The following DYM variants were observed in gnomAD, a reference collection of about 807,000 sequenced individuals.
DYM encodes dymeclin.
In DYM, 78 loss-of-function variants were observed where a neutral mutation model predicts 93.1. That is an observed-to-expected ratio of 0.84 (90% CI 0.70 to 1.01). The LOEUF (loss-of-function observed/expected upper bound fraction) is 1.01. Among genes scored for constraint, DYM ranks in the 50% least tolerant of loss-of-function variants. The pLI is 0.00. For synonymous variants in DYM, 321 were observed against 319.7 expected, an observed-to-expected ratio of 1.00 and a Z score of -0.04; for missense variants, 789 against 845.0, an observed-to-expected ratio of 0.93 and a Z score of 0.82.
At chr18:49,435,072 G>C (rs2080704191) in intron 1 of DYM, among the ~76,000 whole-genome samples, 1 of 149,794 alleles carries the variant, frequency 6.7e-6, no homozygotes, top group African/African-American at 2.4e-5. Flanking sequence ...GCACAGCATG[G>C]TGGTGTGCGC....
Position 49,038,761 on chromosome 18 carries a change from CTCT to C in DYM, c.*5291_*5293del, listed in dbSNP as rs1473400649. 5.9e-5 allele frequency among the ~76,000 whole-genome samples: 9 copies of C among 152,166 alleles called. No homozygotes were observed. The highest frequency in any genetic ancestry group is 1.9e-4 in the African/African-American group (8 of 41,438). ...CCACTGAATTGATTATTCGAATTCTCTCTTATTATGTGGAAAGCTATACACTTT... is the reference window on the plus strand; with the variant it reads ...CCACTGAATTGATTATTCGAATTCTCTATTATGTGGAAAGCTATACACTTT... On this transcript the variant is annotated 3_prime_UTR_variant, in exon 18 of 18. Transcript: ENST00000675505.
In DYM at chr18:49,360,726, G is replaced by A. The variant is rs35197176; in HGVS notation, c.494+2435C>T. Among the ~76,000 whole-genome samples, 817 of 152,224 alleles carry A rather than the reference G, an allele frequency of 5.4e-3. 2 individuals carry two copies. The highest frequency in any genetic ancestry group is 9.0e-3 in the Non-Finnish European group (612 of 68,006). ...GACAAAGAAACAGTACACAGTATAT[G>A]TGTTTCCCTTCCCTGATCTGACCAC... is the stretch of plus-strand genomic sequence containing the variant. On this transcript the variant is annotated intron_variant, in intron 6 of 17. Transcript: ENST00000675505.
rs558343871 is a variant in DYM at position 49,452,752 on chromosome 18, G to A, written c.-54+7646C>T. On this transcript the variant is annotated intron_variant, in intron 1 of 17. Coordinates refer to ENST00000675505, the MANE Select transcript of DYM (RefSeq NM_001353214.3). ...GGGCTGAGGAGTGCAGGCGCACAGC[G>A]CGGGACTGGCAGGCAGCTCTGCCTG... Among the ~76,000 whole-genome samples, 15 of 106,118 alleles carry A rather than the reference G, an allele frequency of 1.4e-4. 3 individuals carry two copies. Among genetic ancestry groups the A allele is most frequent in the South Asian group, 1.2e-3 (4 of 3,244 alleles). 69.6% of individuals were successfully genotyped at this position (106,118 alleles called of 152,430 possible).
chr18:49,272,691 C>T (rs556289217), intron 10 of DYM, among the ~76,000 whole-genome samples: 1 of 152,146 alleles, frequency 6.6e-6, no homozygotes, highest in African/African-American at 2.4e-5. Context: ...GTGCTTAGCA[C>T]CACCTTTTTA....
At chr18:49,360,719 A>G (rs1194903764) in intron 6 of DYM, among the ~76,000 whole-genome samples, 1 of 152,184 alleles carries the variant, frequency 6.6e-6, no homozygotes. Flanking sequence ...AACAGTACAC[A>G]GTATATGTGT....
intron 11 of DYM, among the ~76,000 whole-genome samples, chr18:49,266,819 AT>A (rs949266076): frequency 1.3e-5 from 2 of 152,144 alleles, no homozygotes; most frequent in African/African-American, 2.4e-5. Context: ...TGTTAAATAC[AT>A]TTTTTTCTTT....
intron 8 of DYM, among the ~76,000 whole-genome samples, chr18:49,302,481 C>T (rs1294051978): frequency 6.6e-6 from 1 of 152,140 alleles, no homozygotes; most frequent in Non-Finnish European, 1.5e-5. Context: ...ATTAATATAA[C>T]TATGCATTAT....
chr18:49,071,393 TCTGTG>T (rs1210959572), intron 17 of DYM, among the ~76,000 whole-genome samples: 2 of 152,268 alleles, frequency 1.3e-5, no homozygotes, highest in Non-Finnish European at 2.9e-5. Flanking sequence ...TTAACTTCAG[TCTGTG>T]TAACATTCTG....
intron 17 of DYM, among the ~76,000 whole-genome samples, chr18:49,054,983 G>A (rs746239098): frequency 7.2e-5 from 11 of 152,186 alleles, no homozygotes; most frequent in Non-Finnish European, 1.3e-4. Context: ...AATGTCCCTG[G>A]TAGGACCTCT....
chr18:49,262,065 G>C lies in DYM; in HGVS notation c.1252-3572C>G, dbSNP rs149783205. Among the ~76,000 whole-genome samples, 479 of 152,172 alleles carry C rather than the reference G, an allele frequency of 3.1e-3. 4 individuals are homozygous for C. The highest frequency in any genetic ancestry group is 0.011 in the African/African-American group (444 of 41,506). On this transcript the variant is annotated intron_variant, in intron 11 of 17. Transcript: ENST00000675505. Reference sequence around the variant, plus strand: ...TGAATGTGACCTTACATGGATAGAGGGTCTTTGAAATATAATCAAGATGAG... The same window carrying C: ...TGAATGTGACCTTACATGGATAGAGCGTCTTTGAAATATAATCAAGATGAG...
At chr18:49,346,805 A>G (rs2064640865) in intron 6 of DYM, among the ~76,000 whole-genome samples, 1 of 152,230 alleles carries the variant, frequency 6.6e-6, no homozygotes, top group South Asian at 2.1e-4. Flanking sequence ...ATAAGAATCT[A>G]TATTCATAAC....
chr18:49,058,153 A>G (rs896348201), intron 17 of DYM, among the ~76,000 whole-genome samples: 1 of 152,242 alleles, frequency 6.6e-6, no homozygotes, highest in African/African-American at 2.4e-5. Flanking sequence ...TCCCTTCTCT[A>G]TCATGATTTT....
chr18:49,321,158 C>T (rs1218740185), intron 8 of DYM: 1 of 381,662 alleles, frequency 2.6e-6, no homozygotes, highest in Admixed American at 4.5e-5. Context: ...AATATTCTCA[C>T]TTTTAAATAT....
intron 15 of DYM, among the ~76,000 whole-genome samples, chr18:49,140,748 G>A (rs1343162961): frequency 6.6e-6 from 1 of 152,120 alleles, no homozygotes; most frequent in Non-Finnish European, 1.5e-5. Context: ...AGATGAGACA[G>A]GCTAAATAGG....
intron 15 of DYM, among the ~76,000 whole-genome samples, chr18:49,162,708 C>T (rs533529624): frequency 6.6e-5 from 10 of 152,272 alleles, no homozygotes; most frequent in Admixed American, 5.9e-4. Flanking sequence ...TCTCTTCTGA[C>T]CATGTCTGGT....
intron 15 of DYM, among the ~76,000 whole-genome samples, chr18:49,123,609 T>C (rs1223186739): frequency 2.0e-5 from 3 of 152,238 alleles, no homozygotes; most frequent in Admixed American, 6.5e-5. Flanking sequence ...GGCTCACTGT[T>C]CTGACTGCTT....
intron 14 of DYM, among the ~76,000 whole-genome samples, chr18:49,180,914 C>T (rs1470299849): frequency 1.3e-5 from 2 of 152,122 alleles, no homozygotes; most frequent in Non-Finnish European, 2.9e-5. Flanking sequence ...TGATTTCTGG[C>T]ATGGAGGACT....
intron 14 of DYM, among the ~76,000 whole-genome samples, chr18:49,190,972 G>A (rs2090913185): frequency 6.6e-6 from 1 of 151,888 alleles, no homozygotes; most frequent in African/African-American, 2.4e-5. Flanking sequence ...ATATTTTTTA[G>A]GTAAGGCTTC....
intron 8 of DYM, among the ~76,000 whole-genome samples, chr18:49,324,878 G>A (rs1447593998): frequency 6.6e-6 from 1 of 152,046 alleles, no homozygotes; most frequent in Non-Finnish European, 1.5e-5. Context: ...CAATAACTCT[G>A]TTCAAATGGT....
Sources: allele counts gnomAD v4.1 joint callset (sites outside exome capture counted in the v4.1 genomes callset), GRCh38; gene constraint gnomAD v4.1.1; transcripts MANE v1.5; gene names NCBI Gene and HGNC (gene_info 2026-07-23, HGNC 2026-07-21).